The following GRAMD4 variants were observed in gnomAD, a reference collection of about 807,000 sequenced individuals.
GRAMD4 encodes the protein GRAM domain-containing protein 4.
In GRAMD4, 25 loss-of-function variants were observed where a neutral mutation model predicts 83.9. The observed-to-expected ratio is 0.30, with a 90% CI of 0.22 to 0.42. The LOEUF (loss-of-function observed/expected upper bound fraction) is 0.42. Among genes scored for constraint, GRAMD4 ranks in the 10% least tolerant of loss-of-function variants. GRAMD4 has a pLI of 1.00. For synonymous variants in GRAMD4, 336 were observed against 320.9 expected, an observed-to-expected ratio of 1.05 and a Z score of -0.50; for missense variants, 593 against 788.7, an observed-to-expected ratio of 0.75 and a Z score of 2.97.
At position 46,637,868 on chromosome 22, in the gene GRAMD4, C is replaced by T; in HGVS notation, c.191C>T (p.Thr64Ile). 2.5e-6 allele frequency: 4 copies of T among 1,614,018 alleles called. No individual in the cohort carries two copies. Among genetic ancestry groups the T allele is most frequent in the Non-Finnish European group, 3.4e-6 (4 of 1,179,852 alleles). ...GGTCCAGGGACCCTCATCATGGCCACAGGAGTCCAGGACTTTAACCGGACA... is the reference window on the plus strand; with the variant it reads ...GGTCCAGGGACCCTCATCATGGCCATAGGAGTCCAGGACTTTAACCGGACA... ...PAGPGTLIMATGVQDFNRTEF... is the reference protein window; with the variant it reads ...PAGPGTLIMAIGVQDFNRTEF... The change falls in exon 3 of 19, where the codon ACA becomes ATA. Residue 64 changes from threonine (T) to isoleucine (I), a missense_variant. Thr to Ile is a moderately conservative substitution (Grantham distance 89). This residue lies in a region of GRAMD4 where 312 missense variants were observed against 350.7 expected (regional missense o/e 0.89). Transcript: ENST00000406902.
At chr22:46,663,644 G>A (rs2082364462) in intron 6 of GRAMD4, among the ~76,000 whole-genome samples, 194 bp from the exon 7 acceptor site, 2 of 152,228 alleles carry the variant, frequency 1.3e-5, no homozygotes, top group Non-Finnish European at 2.9e-5. Flanking sequence ...AACTTGGGGA[G>A]TGGCACTGAG....
chr22:46,576,782 C>G (rs2081045379), upstream of GRAMD4, among the ~76,000 whole-genome samples: 1 of 3,738 alleles, frequency 2.7e-4, no homozygotes, highest in African/African-American at 2.5e-3. Flanking sequence ...GCCACAGCAG[C>G]GAGCGTGCTC....
intron 13 of GRAMD4, among the ~76,000 whole-genome samples, chr22:46,669,801 A>T (rs2147388081): frequency 6.6e-6 from 1 of 151,670 alleles, no homozygotes; most frequent in East Asian, 1.9e-4. Flanking sequence ...CTGGTCTGGA[A>T]CTCCTGACCT....
intron 3 of GRAMD4, among the ~76,000 whole-genome samples, chr22:46,638,753 A>C (rs574230454): frequency 6.6e-6 from 1 of 152,254 alleles, no homozygotes; most frequent in African/African-American, 2.4e-5. Context: ...TCTTGTTATT[A>C]CGCTCCTGTG....
chr22:46,675,052 C>T (rs2082574159), intron 16 of GRAMD4, among the ~76,000 whole-genome samples: 1 of 152,238 alleles, frequency 6.6e-6, no homozygotes, highest in South Asian at 2.1e-4. Context: ...CGTGTGGGGA[C>T]CTGCTATTGC....
Position 46,677,148 on chromosome 22 carries a change from C to T in GRAMD4, c.1634C>T (p.Pro545Leu), listed in dbSNP as rs1461330659. The T allele has an allele frequency of 6.2e-7, 1 of 1,613,290 alleles. No homozygotes were observed. Residue 545 changes from proline to leucine, a missense_variant and splice_region_variant, in exon 19 of 19, where the codon CCG becomes CTG. Around this residue, in one of 4 missense-constraint regions of GRAMD4, gnomAD observed 74 missense variants for 152.7 expected, o/e 0.48. Coordinates refer to ENST00000406902, the MANE Select transcript of GRAMD4 (RefSeq NM_015124.5). ...IAVSTPSTQKPLVFGAMVHRD... is the reference protein window; with the variant it reads ...IAVSTPSTQKLLVFGAMVHRD... ...CTGGTGGCATTTCTTCCCTGCCAGC[C>T]GCTCGTGTTTGGTGCCATGGTGCAC...
intron 2 of GRAMD4, among the ~76,000 whole-genome samples, chr22:46,631,342 C>T (rs1293506251): frequency 1.3e-5 from 2 of 152,146 alleles, no homozygotes; most frequent in Non-Finnish European, 2.9e-5. Flanking sequence ...GAATTCCTCC[C>T]TGCCACACCC....
chr22:46,670,292 G>A (rs888142812), intron 13 of GRAMD4, among the ~76,000 whole-genome samples: 25 of 152,374 alleles, frequency 1.6e-4, no homozygotes, highest in African/African-American at 5.8e-4. Flanking sequence ...CTCTCTGGAC[G>A]CAGCACGGCT....
Position 46,677,451 on chromosome 22 carries a change from CCTCTCCCACAGGGCACGTCAGGTGCCT to C in GRAMD4, c.*203_*229del. On this transcript the variant is annotated 3_prime_UTR_variant, in exon 19 of 19. Transcript: ENST00000406902. The stretch of plus-strand genomic sequence containing the variant: ...CAGGGCTCACAGGGACGGGGGTGCC[CCTCTCCCACAGGGCACGTCAGGTGCCT>C]CTGAGGGCCACCCGCAGACTGGGGG... 1 of 1,347,202 alleles carries C rather than the reference CCTCTCCCACAGGGCACGTCAGGTGCCT, an allele frequency of 7.4e-7. No individual in the cohort carries two copies. Among genetic ancestry groups the C allele is most frequent in the Non-Finnish European group, 9.5e-7 (1 of 1,048,498 alleles). The allele number at this position is 1,347,202 out of a possible 1,614,324, so 83.5% of individuals were successfully genotyped here. A position where few individuals can be genotyped will look rare whatever the true frequency, so the allele number is the denominator to read the frequency against.
intron 6 of GRAMD4, 48 bp downstream of exon 6, chr22:46,663,220 C>G (rs2082356261): frequency 1.3e-6 from 2 of 1,574,096 alleles, no homozygotes; most frequent in East Asian, 4.5e-5. Context: ...GGGCCCCGGT[C>G]CCTGGGCTGA....
chr22:46,608,074 CACTT>C (rs1421842596), intron 1 of GRAMD4, among the ~76,000 whole-genome samples: 1 of 152,228 alleles, frequency 6.6e-6, no homozygotes, highest in Non-Finnish European at 1.5e-5. Flanking sequence ...GCTCATTAAA[CACTT>C]AGTGCGTGGC....
chr22:46,681,455 A>G (rs1385859373), downstream of GRAMD4, among the ~76,000 whole-genome samples: 1 of 152,252 alleles, frequency 6.6e-6, no homozygotes, highest in Admixed American at 6.5e-5. Context: ...GCAATCGTGC[A>G]TGTTTTAATG....
chr22:46,595,288 G>A (rs895869569), intron 1 of GRAMD4, among the ~76,000 whole-genome samples: 1 of 152,200 alleles, frequency 6.6e-6, no homozygotes, highest in Non-Finnish European at 1.5e-5. Context: ...TCCAGACGGG[G>A]ACATGGGGGA....
At chr22:46,632,440 G>A (rs1369886743) in intron 2 of GRAMD4, among the ~76,000 whole-genome samples, 7 of 152,340 alleles carry the variant, frequency 4.6e-5, no homozygotes, top group African/African-American at 1.7e-4. Flanking sequence ...AAAAGCTGAA[G>A]AACTGAGAAA....
At chr22:46,585,929 G>A (rs904709566) in intron 1 of GRAMD4, among the ~76,000 whole-genome samples, 1 of 152,180 alleles carries the variant, frequency 6.6e-6, no homozygotes, top group Non-Finnish European at 1.5e-5. Flanking sequence ...GCTCCTCTGG[G>A]GCTAGGACTG....
At chr22:46,661,546 C>T (rs537804400) in intron 5 of GRAMD4, 104 bp downstream of exon 5, 4 of 817,778 alleles carry the variant, frequency 4.9e-6, no homozygotes, top group Non-Finnish European at 8.1e-6. Flanking sequence ...GATACCCCCT[C>T]CCCCAGCAGG....
intron 3 of GRAMD4, among the ~76,000 whole-genome samples, chr22:46,643,183 C>G (rs1457986265): frequency 1.9e-4 from 22 of 113,684 alleles, no homozygotes; most frequent in East Asian, 2.6e-4. Flanking sequence ...ATCCATCCAT[C>G]CATCCATCCA....
At chr22:46,682,458 CAG>C (rs757994280), downstream of GRAMD4, 33 of 984,364 alleles carry the variant, frequency 3.4e-5, no homozygotes, top group Non-Finnish European at 3.7e-5. Flanking sequence ...CAAAATGAGT[CAG>C]GGGAGGCCGT....
chr22:46,601,421 A>G (rs1283843916), intron 1 of GRAMD4, among the ~76,000 whole-genome samples: 4 of 152,106 alleles, frequency 2.6e-5, no homozygotes, highest in Non-Finnish European at 4.4e-5. Context: ...GGTCTTAGGC[A>G]AGATTCTCTG....
Sources: gnomAD v4.1 joint callset for allele counts (sites outside exome capture counted in the v4.1 genomes callset) on GRCh38, gnomAD v4.1.1 for gene constraint, gnomAD v4.1.1 regional missense constraint, MANE v1.5 for transcripts, NCBI Gene and HGNC (gene_info 2026-07-23, HGNC 2026-07-21) for gene names.